The following DCTN6 variants were observed in gnomAD, a reference collection of about 807,000 sequenced individuals.
DCTN6 encodes dynactin 6.
Under a neutral mutation model 25.8 loss-of-function variants are expected in DCTN6, and 15 were observed. The observed-to-expected ratio is 0.58, with a 90% CI of 0.39 to 0.89. The LOEUF (loss-of-function observed/expected upper bound fraction) is 0.89, where lower values mean the gene tolerates loss of function less well. Ranked by LOEUF, DCTN6 falls within the 40% of genes least tolerant of loss-of-function variation. The probability of loss-of-function intolerance (pLI) is 0.00; values close to 1 mark genes in which losing one functional copy is unlikely to be tolerated. For synonymous variants in DCTN6, 64 were observed against 78.3 expected (o/e 0.82, Z 0.96); for missense variants, 198 against 237.6 (o/e 0.83, Z 1.09).
At chr8:30,161,620 T>G (rs977127695) in intron 1 of DCTN6, among the ~76,000 whole-genome samples, 1 of 152,220 alleles carries the variant, frequency 6.6e-6, no homozygotes, top group African/African-American at 2.4e-5. Context: ...ATTTTTGTGC[T>G]TCTTCTCATT....
At chr8:30,182,444 T>C (rs1463953177) in intron 6 of DCTN6, among the ~76,000 whole-genome samples, 1 of 152,148 alleles carries the variant, frequency 6.6e-6, no homozygotes, top group Non-Finnish European at 1.5e-5. Flanking sequence ...GGTGTTTTAC[T>C]TATGTGGTCT....
intron 2 of DCTN6, among the ~76,000 whole-genome samples, chr8:30,171,030 T>C (rs1421019913): frequency 1.3e-5 from 2 of 152,180 alleles, no homozygotes; most frequent in East Asian, 1.9e-4. Context: ...GAGTTCTTTA[T>C]ATAAGAAATT....
chr8:30,158,475 A>G (rs1267345775), intron 1 of DCTN6, among the ~76,000 whole-genome samples: 1 of 152,166 alleles, frequency 6.6e-6, no homozygotes, highest in African/African-American at 2.4e-5. Flanking sequence ...CTGGAGTGAC[A>G]GGATGTTTCC....
At position 30,164,137 on chromosome 8, in the gene DCTN6, T is replaced by C. The variant is rs750675730; in HGVS notation, c.50T>C (p.Val17Ala). Residue 17 changes from valine (V) to alanine (A), a missense_variant, in exon 2 of 7, where the codon GTA becomes GCA. Transcript: ENST00000221114. ...GTGAAGATTGCTCCTGGAGCAGTTG[T>C]ATGTGTAGAAAGTGAAATCAGAGGA... Reference protein sequence around the residue: ...KSVKIAPGAVVCVESEIRGDV... With the variant: ...KSVKIAPGAVACVESEIRGDV... 1.6e-5 allele frequency: 26 copies of C among 1,613,844 alleles called. No individual in the cohort carries two copies. In the South Asian group the frequency reaches 2.6e-4, roughly 16 times the overall value.
chr8:30,179,755 GTGT>G (rs1286922915), intron 5 of DCTN6, among the ~76,000 whole-genome samples: 1 of 152,190 alleles, frequency 6.6e-6, no homozygotes, highest in African/African-American at 2.4e-5. Flanking sequence ...TAGTTGGTTA[GTGT>G]TGTTGTAGAA....
At chr8:30,166,304 G>GTT (rs981212198) in intron 2 of DCTN6, among the ~76,000 whole-genome samples, 2 of 138,568 alleles carry the variant, frequency 1.4e-5, no homozygotes, top group East Asian at 2.1e-4. Context: ...CCCCGTTTTG[G>GTT]TTTTTTTTTT....
chr8:30,176,914 G>T, intron 3 of DCTN6: 2 of 413,264 alleles, frequency 4.8e-6, no homozygotes, highest in Non-Finnish European at 8.8e-6. Context: ...GACGGAGGTT[G>T]CAGTGATCCA....
chr8:30,156,533 C>T, intron 1 of DCTN6, 127 bp downstream of exon 1: 3 of 1,172,952 alleles, frequency 2.6e-6, no homozygotes, highest in Non-Finnish European at 2.5e-6. Context: ...GTACCTGAAG[C>T]CCAGACCTGG....
chr8:30,158,315 T>C (rs1803553015), intron 1 of DCTN6, among the ~76,000 whole-genome samples: 1 of 152,176 alleles, frequency 6.6e-6, no homozygotes, highest in African/African-American at 2.4e-5. Flanking sequence ...AAGAGACATT[T>C]TATAGAGGCT....
intron 2 of DCTN6, among the ~76,000 whole-genome samples, chr8:30,173,278 C>T (rs553412111): frequency 1.3e-5 from 2 of 152,292 alleles, no homozygotes; most frequent in South Asian, 2.1e-4. Context: ...CCAGAAACAC[C>T]TCCTTATTTA....
At chr8:30,170,722 A>G (rs1278411520) in intron 2 of DCTN6, among the ~76,000 whole-genome samples, 4 of 150,662 alleles carry the variant, frequency 2.7e-5, no homozygotes, top group East Asian at 3.9e-4. Context: ...GCTCACTGCA[A>G]CCTCTGCCTC....
At chr8:30,175,333 A>T (rs1013337287) in intron 3 of DCTN6, 143 bp downstream of exon 3, 1 of 653,914 alleles carries the variant, frequency 1.5e-6, no homozygotes, top group Non-Finnish European at 2.6e-6. Flanking sequence ...CTTTTTCAAC[A>T]TAAGTAAATG....
chr8:30,173,364 A>T (rs1391151854), intron 2 of DCTN6, among the ~76,000 whole-genome samples: 3 of 152,272 alleles, frequency 2.0e-5, no homozygotes, highest in African/African-American at 4.8e-5. Context: ...GGACAAAAAT[A>T]ACATGTATTT....
intron 6 of DCTN6, among the ~76,000 whole-genome samples, chr8:30,182,296 C>T (rs992385448): frequency 6.6e-6 from 1 of 152,110 alleles, no homozygotes; most frequent in African/African-American, 2.4e-5. Flanking sequence ...ATATTTTTCA[C>T]AAGTACCGCA....
rs1216736603 is a variant in DCTN6 at position 30,183,263 on chromosome 8, A to T, written c.*90A>T. On this transcript the variant is annotated 3_prime_UTR_variant, in exon 7 of 7. Transcript: ENST00000221114. ...TGTTTATGTACTCTTAACAACTCAC[A>T]GAATAATACATGTTCACTTTATTTT... is the stretch of plus-strand genomic sequence containing the variant. The T allele has an allele frequency of 2.1e-6, 2 of 972,854 alleles. No individual in the cohort carries two copies. The highest frequency in any genetic ancestry group is 3.1e-6 in the Non-Finnish European group (2 of 648,948). 60.3% of individuals were successfully genotyped at this position (972,854 alleles called of 1,614,324 possible).
intron 2 of DCTN6, among the ~76,000 whole-genome samples, chr8:30,168,632 G>A (rs1477995164): frequency 6.6e-6 from 1 of 152,062 alleles, no homozygotes; most frequent in Non-Finnish European, 1.5e-5. Context: ...AATATTTCAG[G>A]AAGAAAGTAA....
At chr8:30,177,561 A>G (rs1803857811) in intron 4 of DCTN6, 1 of 159,650 alleles carries the variant, frequency 6.3e-6, no homozygotes, top group South Asian at 1.7e-4. Context: ...AAAAAAAATT[A>G]CAAGAATTAG....
chr8:30,181,516 CT>C (rs1276425713), intron 6 of DCTN6, among the ~76,000 whole-genome samples: 1 of 152,160 alleles, frequency 6.6e-6, no homozygotes, highest in African/African-American at 2.4e-5. Context: ...GACATTTGGG[CT>C]TCCTTTGGAC....
chr8:30,180,378 C>T (rs966356551), intron 5 of DCTN6, 110 bp from the exon 6 acceptor site: 1 of 1,409,226 alleles, frequency 7.1e-7, no homozygotes, highest in East Asian at 2.4e-5. Flanking sequence ...TTTTCTTTAA[C>T]TTTTTTCTTG....
Sources: gnomAD v4.1 joint callset for allele counts (sites outside exome capture counted in the v4.1 genomes callset) on GRCh38, gnomAD v4.1.1 for gene constraint, MANE v1.5 for transcripts, NCBI Gene and HGNC (gene_info 2026-07-23, HGNC 2026-07-21) for gene names.